The following HDAC9 variants were observed in gnomAD, a reference collection of about 807,000 sequenced individuals.
HDAC9 encodes the protein MEF-2 interacting transcription repressor (MITR) protein.
A neutral mutation model predicts 139.4 loss-of-function variants in HDAC9; 41 were observed. The observed-to-expected ratio is 0.29, with a 90% CI of 0.23 to 0.38. The LOEUF is 0.38. Among genes scored for constraint, HDAC9 ranks in the 10% least tolerant of loss-of-function variants. The pLI is 1.00. For missense variants in HDAC9, 1,147 were observed against 1,297.0 expected, an observed-to-expected ratio of 0.88 and a Z score of 1.78; for synonymous variants, 517 against 476.2, an observed-to-expected ratio of 1.09 and a Z score of -1.12.
At chr7:18,299,811 C>A (rs952885391) in intron 1 of HDAC9, among the ~76,000 whole-genome samples, 1 of 152,126 alleles carries the variant, frequency 6.6e-6, no homozygotes. Flanking sequence ...TGAAGCAGTG[C>A]GGAGAAAAGG....
chr7:18,691,075 G>T (rs978100412), intron 12 of HDAC9, among the ~76,000 whole-genome samples: 2 of 152,020 alleles, frequency 1.3e-5, no homozygotes, highest in African/African-American at 2.4e-5. Context: ...AATTTTATTT[G>T]CTTTGCAGTA....
intron 12 of HDAC9, among the ~76,000 whole-genome samples, chr7:18,709,656 G>A (rs923365375): frequency 5.3e-5 from 8 of 152,190 alleles, no homozygotes; most frequent in African/African-American, 1.7e-4. Flanking sequence ...TTGGGGAATT[G>A]ACTGTGAATA....
At chr7:18,641,510 G>A (rs968679593) in intron 8 of HDAC9, among the ~76,000 whole-genome samples, 7 of 151,982 alleles carry the variant, frequency 4.6e-5, no homozygotes, top group Admixed American at 3.3e-4. Context: ...GAAGTTACCC[G>A]TTAATTGTTT....
At chr7:18,894,542 T>A (rs565902527) in intron 22 of HDAC9, among the ~76,000 whole-genome samples, 4 of 152,154 alleles carry the variant, frequency 2.6e-5, no homozygotes, top group African/African-American at 9.6e-5. Flanking sequence ...ATAAGGAGTT[T>A]GATGAGTTAA....
chr7:18,731,408 A>G (rs1025104371), intron 13 of HDAC9, among the ~76,000 whole-genome samples: 1 of 152,172 alleles, frequency 6.6e-6, no homozygotes, highest in South Asian at 2.1e-4. Context: ...TATTTAACAC[A>G]AAAGTCACAT....
chr7:18,169,065 G>T (rs778805977), intron 2 of HDAC9, among the ~76,000 whole-genome samples: 2 of 151,890 alleles, frequency 1.3e-5, no homozygotes, highest in African/African-American at 2.4e-5. Flanking sequence ...AGTCTCCCAA[G>T]TAACTGGGAT....
At chr7:18,198,976 T>G in intron 2 of HDAC9, among the ~76,000 whole-genome samples, 1 of 152,184 alleles carries the variant, frequency 6.6e-6, no homozygotes, top group South Asian at 2.1e-4. Context: ...AGGGGTACTC[T>G]CCATGACCAA....
intron 12 of HDAC9, among the ~76,000 whole-genome samples, chr7:18,687,023 T>C (rs1240304139): frequency 1.3e-5 from 2 of 151,870 alleles, no homozygotes; most frequent in African/African-American, 4.8e-5. Flanking sequence ...TACTACATGA[T>C]AGGAACAGAT....
intron 1 of HDAC9, among the ~76,000 whole-genome samples, chr7:18,477,259 TC>T (rs1166940798): frequency 2.0e-5 from 3 of 152,120 alleles, no homozygotes; most frequent in African/African-American, 7.2e-5. Context: ...TTGAGTTAGC[TC>T]CCCCAAAACA....
chr7:18,687,493 AATAAC>A (rs753672354), intron 12 of HDAC9, among the ~76,000 whole-genome samples: 2 of 151,898 alleles, frequency 1.3e-5, no homozygotes, highest in Non-Finnish European at 2.9e-5. Flanking sequence ...TATTGGGATA[AATAAC>A]ATCTATACTT....
At chr7:18,553,298 T>C (rs928890745) in intron 2 of HDAC9, among the ~76,000 whole-genome samples, 8 of 152,148 alleles carry the variant, frequency 5.3e-5, no homozygotes, top group African/African-American at 1.7e-4. Context: ...GCCTGTTTTA[T>C]TGTAAAATAA....
intron 1 of HDAC9, among the ~76,000 whole-genome samples, chr7:18,308,548 G>A (rs1162468335): frequency 6.6e-6 from 1 of 152,070 alleles, no homozygotes; most frequent in South Asian, 2.1e-4. Flanking sequence ...AAAAGTTTTG[G>A]TGTACTCAGT....
At chr7:18,482,256 C>T (rs1278332194) in intron 1 of HDAC9, among the ~76,000 whole-genome samples, 1 of 151,092 alleles carries the variant, frequency 6.6e-6, no homozygotes, top group East Asian at 2.0e-4. Flanking sequence ...AAAGAGTATC[C>T]CTGGCTGCTG....
chr7:18,922,801 G>A (rs1228849638), intron 22 of HDAC9, among the ~76,000 whole-genome samples: 1 of 152,064 alleles, frequency 6.6e-6, no homozygotes, highest in African/African-American at 2.4e-5. Context: ...TTCAGAATCA[G>A]TGGTGCCACC....
intron 16 of HDAC9, among the ~76,000 whole-genome samples, chr7:18,785,860 A>G (rs937025086): frequency 6.6e-6 from 1 of 152,156 alleles, no homozygotes; most frequent in Admixed American, 6.6e-5. Context: ...CTGCTTAATA[A>G]TAGCATCTAC....
intron 2 of HDAC9, among the ~76,000 whole-genome samples, chr7:18,560,437 A>C (rs986228043): frequency 4.6e-4 from 70 of 152,086 alleles, no homozygotes; most frequent in African/African-American, 1.5e-3. Context: ...CCCACCCTCA[A>C]CACTAACCAT....
At chr7:18,267,987 A>G (rs537675329) in intron 2 of HDAC9, among the ~76,000 whole-genome samples, 6 of 149,490 alleles carry the variant, frequency 4.0e-5, no homozygotes, top group Admixed American at 3.3e-4. Context: ...CTTTCTTTAC[A>G]TAGTACTTGA....
chr7:18,196,992 G>A (rs897580071), intron 2 of HDAC9, among the ~76,000 whole-genome samples: 15 of 152,214 alleles, frequency 9.9e-5, no homozygotes, highest in Admixed American at 8.5e-4. Context: ...ACTGAGTAGA[G>A]CAGATTGCCC....
At chr7:18,574,860 C>T (rs563326039) in intron 2 of HDAC9, among the ~76,000 whole-genome samples, 26 of 152,384 alleles carry the variant, frequency 1.7e-4, no homozygotes, top group Middle Eastern at 3.4e-3. Flanking sequence ...CACTTCCAAG[C>T]CTGTGGGGAG....
Sources: gnomAD v4.1 joint callset for allele counts (sites outside exome capture counted in the v4.1 genomes callset) on GRCh38, gnomAD v4.1.1 for gene constraint, MANE v1.5 for transcripts, NCBI Gene and HGNC (gene_info 2026-07-23, HGNC 2026-07-21) for gene names.